SAMD12: variants seen among roughly 807,000 people sequenced by gnomAD.
SAMD12 encodes sterile alpha motif domain-containing protein 12.
A neutral mutation model predicts 15.0 loss-of-function variants in SAMD12; 9 were observed. That is an observed-to-expected ratio of 0.60 (90% CI 0.36 to 1.05). The LOEUF is 1.05. Among genes scored for constraint, SAMD12 ranks in the 50% least tolerant of loss-of-function variants. The pLI is 0.01. For missense variants in SAMD12, 230 were observed against 234.2 expected, an observed-to-expected ratio of 0.98 and a Z score of 0.12; for synonymous variants, 86 against 90.1, an observed-to-expected ratio of 0.96 and a Z score of 0.25.
At chr8:118,590,069 C>A (rs1258954564) in intron 1 of SAMD12, among the ~76,000 whole-genome samples, 1 of 152,056 alleles carries the variant, frequency 6.6e-6, no homozygotes, top group Non-Finnish European at 1.5e-5. Flanking sequence ...CCTCGTATAT[C>A]CCAGACTTAG....
At chr8:118,187,947 G>A (rs1819271556), downstream of SAMD12, among the ~76,000 whole-genome samples, 1 of 151,708 alleles carries the variant, frequency 6.6e-6, no homozygotes, top group Admixed American at 6.6e-5. Context: ...CTATGATGTT[G>A]AGCAATTATA....
intron 2 of SAMD12, among the ~76,000 whole-genome samples, chr8:118,471,438 A>G (rs577090402): frequency 6.6e-6 from 1 of 152,320 alleles, no homozygotes; most frequent in South Asian, 2.1e-4. Context: ...AAACAGTATT[A>G]AAGTAGTGGG....
intron 2 of SAMD12, among the ~76,000 whole-genome samples, chr8:118,472,210 C>T (rs1224149343): frequency 6.6e-6 from 1 of 152,020 alleles, no homozygotes; most frequent in Non-Finnish European, 1.5e-5. Flanking sequence ...TGGCGTGAAC[C>T]CGGGAGGCGG....
At chr8:118,252,686 C>G (rs780108978) in intron 4 of SAMD12, among the ~76,000 whole-genome samples, 10 of 152,050 alleles carry the variant, frequency 6.6e-5, no homozygotes, top group Non-Finnish European at 1.5e-4. Context: ...CACTTTATCT[C>G]CTCCCACCCT....
intron 2 of SAMD12, among the ~76,000 whole-genome samples, chr8:118,575,612 A>G (rs1417948178): frequency 6.6e-6 from 1 of 152,144 alleles, no homozygotes; most frequent in Non-Finnish European, 1.5e-5. Context: ...TAAAATGGGG[A>G]TACATTTTTA....
chr8:118,389,698 G>T (rs1820163600), intron 3 of SAMD12, among the ~76,000 whole-genome samples: 1 of 151,212 alleles, frequency 6.6e-6, no homozygotes, highest in African/African-American at 2.4e-5. Context: ...CTGGGTGACA[G>T]AGCAAGACTC....
intron 2 of SAMD12, among the ~76,000 whole-genome samples, chr8:118,457,809 T>G (rs900247364): frequency 4.6e-5 from 7 of 152,190 alleles, no homozygotes; most frequent in African/African-American, 1.7e-4. Context: ...CAATTAAACA[T>G]GAATCCCAGC....
chr8:118,568,660 G>A (rs2131228254), intron 2 of SAMD12, among the ~76,000 whole-genome samples: 1 of 152,282 alleles, frequency 6.6e-6, no homozygotes, highest in East Asian at 1.9e-4. Flanking sequence ...TTATGGGACT[G>A]TTTCAATGAA....
intron 3 of SAMD12, among the ~76,000 whole-genome samples, chr8:118,418,852 CAT>C (rs1465371307): frequency 2.0e-5 from 3 of 152,090 alleles, no homozygotes; most frequent in Admixed American, 1.3e-4. Flanking sequence ...ATCAGTAAAA[CAT>C]ATGTTTTTCC....
chr8:118,195,509 C>G (rs1048473448), exon 5 of SAMD12: 6 of 152,266 alleles, frequency 3.9e-5, no homozygotes, highest in African/African-American at 7.2e-5. Flanking sequence ...AGTCTAGGCC[C>G]TGGAAGAGTT....
chr8:118,387,881 TG>T (rs1586646734), intron 3 of SAMD12, among the ~76,000 whole-genome samples: 1 of 152,268 alleles, frequency 6.6e-6, no homozygotes, highest in Admixed American at 6.5e-5. Context: ...ATGTTTCACT[TG>T]GTGGAGAACG....
At chr8:118,349,918 A>G (rs1263101659) in intron 4 of SAMD12, among the ~76,000 whole-genome samples, 1 of 152,186 alleles carries the variant, frequency 6.6e-6, no homozygotes, top group Non-Finnish European at 1.5e-5. Flanking sequence ...GCTTGAGCCC[A>G]GGAGTTTGAG....
intron 2 of SAMD12, among the ~76,000 whole-genome samples, chr8:118,529,597 C>T (rs1825630338): frequency 6.6e-6 from 1 of 152,152 alleles, no homozygotes; most frequent in South Asian, 2.1e-4. Context: ...CTCTCTAGGT[C>T]AATGCACACA....
chr8:118,567,765 A>G (rs1213837296), intron 2 of SAMD12, among the ~76,000 whole-genome samples: 1 of 152,242 alleles, frequency 6.6e-6, no homozygotes, highest in African/African-American at 2.4e-5. Flanking sequence ...AGCAACAAAT[A>G]GCAGTGTCCT....
In SAMD12 at chr8:118,209,622, T is replaced by A. The variant is rs17507410; in HGVS notation, c.434-11890A>T. Reference sequence around the variant, plus strand: ...AACTGGCTGGTGGCCATCAGCAGGATCTTGCAATTTACCAGGTTCTACACA... The same window carrying A: ...AACTGGCTGGTGGCCATCAGCAGGAACTTGCAATTTACCAGGTTCTACACA... On this transcript the variant is annotated intron_variant, in intron 4 of 4. Transcript: ENST00000409003. Among the ~76,000 whole-genome samples, 328 of 152,178 alleles carry A rather than the reference T, an allele frequency of 2.2e-3. 1 individual carries two copies. The highest frequency in any genetic ancestry group is 7.6e-3 in the African/African-American group (317 of 41,518).
intron 4 of SAMD12, among the ~76,000 whole-genome samples, chr8:118,361,052 T>G (rs1257274383): frequency 6.6e-6 from 1 of 152,102 alleles, no homozygotes; most frequent in Admixed American, 6.5e-5. Flanking sequence ...AATTCTCCAG[T>G]GTCACCTCAC....
At chr8:118,178,435 T>C in the SAMD12 span, among the ~76,000 whole-genome samples, 1 of 152,178 alleles carries the variant, frequency 6.6e-6, no homozygotes, top group Non-Finnish European at 1.5e-5. Flanking sequence ...ACCCATTGTA[T>C]GATTTTTCAA....
rs36228827 is a variant in SAMD12 at position 118,548,384 on chromosome 8, TACACACACAC to T, written c.192+32321_192+32330del. On this transcript the variant is annotated intron_variant, in intron 2 of 3. Transcript: ENST00000314727. ...ATACCCTTTACACTAAAAACACACA[TACACACACAC>T]ACACACACACACACACACACACACA... is the stretch of plus-strand genomic sequence containing the variant. Among the ~76,000 whole-genome samples, 654 of 139,896 alleles carry T rather than the reference TACACACACAC, an allele frequency of 4.7e-3. 3 individuals are homozygous for T. The highest frequency in any genetic ancestry group is 0.01 in the African/African-American group (372 of 36,928). The allele number at this position is 139,896 out of a possible 152,430, so 91.8% of individuals were successfully genotyped here.
rs147130757 is a variant in SAMD12, at chr8:118,363,480, G to GT, written c.433+16079dup. 2.0e-4 allele frequency among the ~76,000 whole-genome samples: 31 copies of GT among 151,646 alleles called. 1 individual carries two copies. Among genetic ancestry groups the GT allele is most frequent in the East Asian group, 1.5e-3 (8 of 5,162 alleles). Reference sequence around the variant, plus strand: ...TGACTGCCTTGAGCTGAGACACTGGGTTTTTTTTTCCTGTCTTTAGACCTG... The same window carrying GT: ...TGACTGCCTTGAGCTGAGACACTGGGTTTTTTTTTTCCTGTCTTTAGACCTG... On this transcript the variant is annotated intron_variant, in intron 4 of 4. Transcript: ENST00000409003.
Sources: gnomAD v4.1 joint callset for allele counts (sites outside exome capture counted in the v4.1 genomes callset) on GRCh38, gnomAD v4.1.1 for gene constraint, MANE v1.5 for transcripts, NCBI Gene and HGNC (gene_info 2026-07-23, HGNC 2026-07-21) for gene names.